UNC13B: variants seen among roughly 807,000 people sequenced by gnomAD.
The protein encoded by UNC13B is protein unc-13 homolog B.
In UNC13B, 144 loss-of-function variants were observed where a neutral mutation model predicts 211.0. The observed-to-expected ratio is 0.68, with a 90% CI of 0.60 to 0.78. The LOEUF (loss-of-function observed/expected upper bound fraction) is 0.78, where lower values mean the gene tolerates loss of function less well. UNC13B is among the 30% of genes least tolerant of loss of function. The pLI, the probability that UNC13B is intolerant of heterozygous loss-of-function variation, is 0.00. For synonymous variants in UNC13B, 709 were observed against 725.8 expected, an observed-to-expected ratio of 0.98 and a Z score of 0.37; for missense variants, 1,777 against 2,002.0, an observed-to-expected ratio of 0.89 and a Z score of 2.14.
At chr9:35,205,976 G>C (rs147412758) in intron 1 of UNC13B, among the ~76,000 whole-genome samples, 1 of 152,090 alleles carries the variant, frequency 6.6e-6, no homozygotes, top group African/African-American at 2.4e-5. Context: ...TTGAGCCCAG[G>C]AGTTTGAGAC....
intron 11 of UNC13B, among the ~76,000 whole-genome samples, chr9:35,344,367 A>G (rs574786298): frequency 2.2e-4 from 33 of 152,338 alleles, no homozygotes; most frequent in African/African-American, 7.7e-4. Context: ...ACTGTAAGCC[A>G]TCAATCTAGA....
chr9:35,247,315 T>C (rs556683891), intron 6 of UNC13B, among the ~76,000 whole-genome samples: 1 of 152,222 alleles, frequency 6.6e-6, no homozygotes, highest in Non-Finnish European at 1.5e-5. Flanking sequence ...ACAATTTGAT[T>C]TCCTCTTTTT....
chr9:35,206,512 AT>A (rs1823654263), intron 1 of UNC13B, among the ~76,000 whole-genome samples: 1 of 152,008 alleles, frequency 6.6e-6, no homozygotes, highest in African/African-American at 2.4e-5. Context: ...ACTTAGCATA[AT>A]TTTTTAGGGT....
chr9:35,295,042 A>G (rs1397362296), intron 7 of UNC13B, among the ~76,000 whole-genome samples: 5 of 152,134 alleles, frequency 3.3e-5, no homozygotes, highest in Non-Finnish European at 7.4e-5. Flanking sequence ...TTCTGAGCCT[A>G]GGGTGTAGGT....
chr9:35,208,817 C>A (rs1213835320), intron 1 of UNC13B, among the ~76,000 whole-genome samples: 1 of 152,106 alleles, frequency 6.6e-6, no homozygotes, highest in Non-Finnish European at 1.5e-5. Flanking sequence ...TGGGTGGGGA[C>A]ACAAATCGAA....
intron 27 of UNC13B, 62 bp downstream of exon 27, chr9:35,396,664 C>G: frequency 6.2e-7 from 1 of 1,606,294 alleles, no homozygotes; most frequent in Non-Finnish European, 8.5e-7. Flanking sequence ...GGGCTAGTAT[C>G]CCCAATTCAT....
intron 1 of UNC13B, among the ~76,000 whole-genome samples, chr9:35,221,344 A>G (rs1274915039): frequency 6.6e-6 from 1 of 152,224 alleles, no homozygotes; most frequent in African/African-American, 2.4e-5. Flanking sequence ...TGCTGGGATT[A>G]CATGCGTGAG....
rs775281145 is a variant in UNC13B at position 35,310,779 on chromosome 9, G to A, written c.9321G>A (p.Glu3107=). The change falls in exon 10 of 40, where the codon GAG becomes GAA. Residue 3107 remains glutamate, a splice_region_variant and synonymous_variant. Coordinates refer to ENST00000635942, the MANE Select transcript of UNC13B (RefSeq NM_001371189.2). ...LQKDHFLGPQ[E]SFPEENASSP... ...AAGACCACTTCCTAGGTCCCCAGGA[G>A]AGGTAGGCAACAGCTGCCTTGAGGA... 6.2e-7 allele frequency: 1 copy of A among 1,612,582 alleles called. No individual in the cohort carries two copies. Among genetic ancestry groups the A allele is most frequent in the Admixed American group, 1.7e-5 (1 of 59,850 alleles).
intron 9 of UNC13B, among the ~76,000 whole-genome samples, chr9:35,308,993 A>G (rs1423563818): frequency 6.6e-6 from 1 of 152,166 alleles, no homozygotes; most frequent in African/African-American, 2.4e-5. Context: ...CCATGGTATC[A>G]TCTCTGCCTT....
intron 1 of UNC13B, among the ~76,000 whole-genome samples, chr9:35,226,190 A>T (rs1564078524): frequency 6.6e-6 from 1 of 152,142 alleles, no homozygotes. Context: ...GAGTCTAGAA[A>T]CTAAGGTGAT....
At chr9:35,350,175 A>G (rs971418975) in intron 11 of UNC13B, among the ~76,000 whole-genome samples, 2 of 152,136 alleles carry the variant, frequency 1.3e-5, no homozygotes, top group African/African-American at 2.4e-5. Flanking sequence ...CCACATTCTC[A>G]GTAAAAAGGG....
chr9:35,397,744 G>T, intron 30 of UNC13B, 32 bp downstream of exon 30: 1 of 1,608,752 alleles, frequency 6.2e-7, no homozygotes, highest in Non-Finnish European at 8.5e-7. Flanking sequence ...CTTACAGAAA[G>T]AGAGTGGAAG....
intron 37 of UNC13B, among the ~76,000 whole-genome samples, chr9:35,400,814 G>A (rs986240002): frequency 1.3e-5 from 2 of 152,208 alleles, no homozygotes; most frequent in Non-Finnish European, 2.9e-5. Flanking sequence ...AGTGTGTGGA[G>A]CTTTGCTGGG....
chr9:35,399,413 G>T lies in UNC13B; in HGVS notation c.12220G>T (p.Ala4074Ser). The T allele has an allele frequency of 1.2e-6, 2 of 1,614,130 alleles. No homozygotes were observed. The highest frequency in any genetic ancestry group is 1.3e-5 in the African/African-American group (1 of 75,014). The change falls in exon 35 of 40, where the codon GCT becomes TCT. Residue 4074 changes from alanine (A) to serine (S), a missense_variant. Ala to Ser is a moderately conservative substitution (Grantham distance 99, BLOSUM62 1). Coordinates refer to ENST00000635942, the MANE Select transcript of UNC13B (RefSeq NM_001371189.2). ...DQTGTQLIFT[A>S]AKELSHLSKL... ...CCAGGGCACCCAGCTGATCTTCACT[G>T]CTGCCAAGGAGCTGAGCCATCTTTC... is the stretch of plus-strand genomic sequence containing the variant.
chr9:35,225,495 T>C (rs183272597), intron 1 of UNC13B, among the ~76,000 whole-genome samples: 45 of 152,314 alleles, frequency 3.0e-4, no homozygotes, highest in African/African-American at 1.0e-3. Flanking sequence ...TGTGTATGTG[T>C]TATAACAATT....
At chr9:35,379,459 GA>G (rs147340530) in intron 17 of UNC13B, among the ~76,000 whole-genome samples, 4,173 of 144,322 alleles carry the variant, frequency 0.029, 186 homozygotes, top group African/African-American at 0.094. Context: ...AAAAAGAAAA[GA>G]AAAAAAAAAG....
chr9:35,365,189 C>T (rs1322460760), intron 11 of UNC13B, among the ~76,000 whole-genome samples: 1 of 152,164 alleles, frequency 6.6e-6, no homozygotes, highest in South Asian at 2.1e-4. Context: ...CTCTTGAAGA[C>T]CATGAGGGTT....
Position 35,305,623 on chromosome 9 carries a change from G to A in UNC13B, c.6219G>A (p.Glu2073=), listed in dbSNP as rs1179108167. Reference sequence around the variant, plus strand: ...AGGGTAATGATTTGACTGAAAAAGAGGTACCATTCAGAGACCATCTAATCC... The same window carrying A: ...AGGGTAATGATTTGACTGAAAAAGAAGTACCATTCAGAGACCATCTAATCC... ...GIQGNDLTEK[E]VPFRDHLIQQ... is the part of the protein sequence containing the mutation. Residue 2073 remains glutamate (E), a synonymous_variant, in exon 9 of 40, where the codon GAG becomes GAA. Coordinates refer to ENST00000635942, the MANE Select transcript of UNC13B (RefSeq NM_001371189.2). 2.5e-6 allele frequency: 1 copy of A among 398,806 alleles called. No homozygotes were observed. The highest frequency in any genetic ancestry group is 4.4e-6 in the Non-Finnish European group (1 of 226,004). 24.7% of individuals were successfully genotyped at this position (398,806 alleles called of 1,614,324 possible). A position where few individuals can be genotyped will look rare whatever the true frequency, so the allele number is the denominator to read the frequency against.
chr9:35,354,823 A>G (rs1271345062), intron 11 of UNC13B, among the ~76,000 whole-genome samples: 1 of 152,198 alleles, frequency 6.6e-6, no homozygotes, highest in East Asian at 1.9e-4. Context: ...ATAATCTCTA[A>G]GGAAGGTAAT....
Sources: gnomAD v4.1 joint callset for allele counts (sites outside exome capture counted in the v4.1 genomes callset) on GRCh38, gnomAD v4.1.1 for gene constraint, MANE v1.5 for transcripts, NCBI Gene and HGNC (gene_info 2026-07-23, HGNC 2026-07-21) for gene names.